Variants in LUZP2 observed in about 807,000 individuals in gnomAD.
The protein encoded by LUZP2 is leucine zipper protein 2.
Under a neutral mutation model 51.6 loss-of-function variants are expected in LUZP2, and 52 were observed. The observed-to-expected ratio is 1.01, with a 90% CI of 0.81 to 1.27. The LOEUF is 1.27. LUZP2 is among the 50% of genes most tolerant of loss of function. LUZP2 has a pLI of 0.00. For synonymous variants in LUZP2, 154 were observed against 137.3 expected, an observed-to-expected ratio of 1.12 and a Z score of -0.85; for missense variants, 436 against 395.4, an observed-to-expected ratio of 1.10 and a Z score of -0.87.
chr11:24,505,487 T>A (rs1850120655), intron 1 of LUZP2, among the ~76,000 whole-genome samples: 1 of 152,140 alleles, frequency 6.6e-6, no homozygotes, highest in Non-Finnish European at 1.5e-5. Flanking sequence ...AGCTAATGTA[T>A]AAAGAATAGC....
intron 7 of LUZP2, among the ~76,000 whole-genome samples, chr11:24,961,802 G>C (rs1352465871): frequency 6.7e-6 from 1 of 148,682 alleles, no homozygotes; most frequent in Non-Finnish European, 1.5e-5. Flanking sequence ...GATGTTAGCT[G>C]GTTATTTTGC....
chr11:24,519,307 G>C (rs947924050), intron 1 of LUZP2, among the ~76,000 whole-genome samples: 8 of 152,072 alleles, frequency 5.3e-5, no homozygotes, highest in Non-Finnish European at 7.4e-5. Context: ...AATGAGTCTT[G>C]AGCTTTGGAG....
intron 9 of LUZP2, among the ~76,000 whole-genome samples, chr11:25,014,794 C>T (rs374735646): frequency 2.0e-5 from 3 of 152,102 alleles, no homozygotes. Flanking sequence ...GTTGCCATTG[C>T]TTTTGGTGTT....
At chr11:24,907,335 T>C (rs574360920) in intron 6 of LUZP2, among the ~76,000 whole-genome samples, 220 of 140,126 alleles carry the variant, frequency 1.6e-3, no homozygotes, top group African/African-American at 5.5e-3. Context: ...AAATACAAAA[T>C]AACATGCAAT....
intron 5 of LUZP2, among the ~76,000 whole-genome samples, chr11:24,807,665 C>G (rs554804340): frequency 8.1e-4 from 123 of 152,094 alleles, no homozygotes; most frequent in African/African-American, 2.9e-3. Context: ...AGAGATTCAG[C>G]AAGTCCCATT....
chr11:24,651,089 C>G (rs1371417011), intron 1 of LUZP2, among the ~76,000 whole-genome samples: 1 of 151,982 alleles, frequency 6.6e-6, no homozygotes, highest in East Asian at 1.9e-4. Context: ...CTTTCCTGTT[C>G]TGCTTTCCAA....
At chr11:24,823,797 T>C (rs2931358) in intron 5 of LUZP2, among the ~76,000 whole-genome samples, 120,666 of 152,096 alleles carry the variant, frequency 0.79, 48,153 homozygotes, top group East Asian at 0.88. Context: ...GGCATGGTGG[T>C]TCACACCTGT....
chr11:24,501,105 C>T (rs1365509729), intron 1 of LUZP2, among the ~76,000 whole-genome samples: 1 of 152,138 alleles, frequency 6.6e-6, no homozygotes, highest in Admixed American at 6.5e-5. Flanking sequence ...ACAGTGTCTG[C>T]CACACATGAC....
chr11:24,546,825 T>A (rs568187126), intron 1 of LUZP2, among the ~76,000 whole-genome samples: 29 of 152,216 alleles, frequency 1.9e-4, no homozygotes, highest in Non-Finnish European at 3.2e-4. Flanking sequence ...CTCAATTTTT[T>A]AAAATAGTTT....
At chr11:24,786,821 G>C (rs1168790373) in intron 5 of LUZP2, 1 of 150,966 alleles carries the variant, frequency 6.6e-6, no homozygotes, top group Non-Finnish European at 1.5e-5. Context: ...AATTGCCTAT[G>C]TTTTCTTTCA....
chr11:24,894,790 C>G (rs1244553947), intron 5 of LUZP2, among the ~76,000 whole-genome samples: 1 of 152,106 alleles, frequency 6.6e-6, no homozygotes, highest in Non-Finnish European at 1.5e-5. Context: ...AAATTATACC[C>G]TCTAGACTTT....
At chr11:24,633,107 T>A (rs1854950632) in intron 1 of LUZP2, among the ~76,000 whole-genome samples, 1 of 152,002 alleles carries the variant, frequency 6.6e-6, no homozygotes, top group Non-Finnish European at 1.5e-5. Context: ...GATTTTCTTG[T>A]TGCCTTCATG....
At chr11:24,642,030 C>T (rs1855304565) in intron 1 of LUZP2, among the ~76,000 whole-genome samples, 1 of 151,754 alleles carries the variant, frequency 6.6e-6, no homozygotes, top group Admixed American at 6.6e-5. Context: ...GCTGGGACTA[C>T]AGGTGCATGC....
chr11:24,699,945 G>C (rs1857373706), intron 1 of LUZP2, among the ~76,000 whole-genome samples: 1 of 151,134 alleles, frequency 6.6e-6, no homozygotes, highest in African/African-American at 2.4e-5. Flanking sequence ...GGTAGGACCT[G>C]TCAATGAGGG....
chr11:24,985,442 A>C (rs1252091594), intron 9 of LUZP2, among the ~76,000 whole-genome samples: 1 of 151,730 alleles, frequency 6.6e-6, no homozygotes, highest in Non-Finnish European at 1.5e-5. Flanking sequence ...GGTAGAAACC[A>C]GGGGATCTGA....
chr11:24,895,398 C>T (rs1280829902), intron 5 of LUZP2, among the ~76,000 whole-genome samples: 1 of 151,728 alleles, frequency 6.6e-6, no homozygotes, highest in Non-Finnish European at 1.5e-5. Flanking sequence ...TCAGGGGGTG[C>T]ATGTGTAGGT....
chr11:24,733,247 T>A (rs1858785757), intron 3 of LUZP2, among the ~76,000 whole-genome samples: 1 of 151,776 alleles, frequency 6.6e-6, no homozygotes, highest in South Asian at 2.1e-4. Context: ...AATGTGAAAT[T>A]CTCTTTAAAG....
chr11:24,897,900 A>G (rs1377766930), intron 5 of LUZP2, among the ~76,000 whole-genome samples: 1 of 152,146 alleles, frequency 6.6e-6, no homozygotes, highest in Non-Finnish European at 1.5e-5. Flanking sequence ...CTTGCCTTTA[A>G]CATGGATTCC....
At chr11:24,859,932 CAACTCCCAGAG>C (rs1239949697) in intron 5 of LUZP2, among the ~76,000 whole-genome samples, 9 of 123,728 alleles carry the variant, frequency 7.3e-5, no homozygotes, top group Non-Finnish European at 1.1e-4. Context: ...GCAGGAAACT[CAACTCCCAGAG>C]GGAGGGGCGA....
Sources: gnomAD v4.1 joint callset for allele counts (sites outside exome capture counted in the v4.1 genomes callset) on GRCh38, gnomAD v4.1.1 for gene constraint, MANE v1.5 for transcripts, NCBI Gene and HGNC (gene_info 2026-07-23, HGNC 2026-07-21) for gene names.